The following CLHC1 variants were observed in gnomAD, a reference collection of about 807,000 sequenced individuals.
CLHC1 encodes clathrin heavy chain linker domain containing 1.
A neutral mutation model predicts 69.5 loss-of-function variants in CLHC1; 72 were observed. That is an observed-to-expected ratio of 1.04 (90% CI 0.86 to 1.26). CLHC1 has a LOEUF of 1.26. Among genes scored for constraint, CLHC1 ranks in the 50% most tolerant of loss-of-function variants. The probability of loss-of-function intolerance (pLI) is 0.00; values close to 1 mark genes in which losing one functional copy is unlikely to be tolerated. For synonymous variants in CLHC1, 223 were observed against 224.3 expected (o/e 0.99, Z 0.05); for missense variants, 790 against 679.3 (o/e 1.16, Z -1.81).
intron 11 of CLHC1, among the ~76,000 whole-genome samples, chr2:55,178,044 G>A (rs937713146): frequency 1.1e-4 from 16 of 152,108 alleles, no homozygotes; most frequent in African/African-American, 1.7e-4. Flanking sequence ...TGAAAAAAAT[G>A]TGGTATAATA....
chr2:55,175,083 A>C lies in CLHC1; in HGVS notation c.*707T>G, dbSNP rs1669265301. On this transcript the variant is annotated 3_prime_UTR_variant, in exon 13 of 13. Coordinates refer to ENST00000401408, the MANE Select transcript of CLHC1 (RefSeq NM_152385.4). ...TTTTAATATTACACCTGTCCATGGC[A>C]CAGAACTTTCAGAGTTTTCAATCAA... 6.6e-6 allele frequency: 1 copy of C among 152,072 alleles called. No homozygotes were observed. Among genetic ancestry groups the C allele is most frequent in the South Asian group, 2.1e-4 (1 of 4,830 alleles). The allele number at this position is 152,072 out of a possible 1,614,324, so 9.4% of individuals were successfully genotyped here.
At chr2:55,229,334 A>C (rs1573806965) in intron 1 of CLHC1, among the ~76,000 whole-genome samples, 1 of 152,200 alleles carries the variant, frequency 6.6e-6, no homozygotes, top group South Asian at 2.1e-4. Flanking sequence ...GCTTACTGAT[A>C]AGGTGACATT....
rs1669741379 is a variant in CLHC1, at chr2:55,179,794, G to C, written c.1384+716C>G. On this transcript the variant is annotated intron_variant, in intron 11 of 12. Transcript: ENST00000401408. ...TGTAATCTCAGATTACTGTTCAATTGTGTTTTAAAATTTTGAAATAAATTA... is the reference window on the plus strand; with the variant it reads ...TGTAATCTCAGATTACTGTTCAATTCTGTTTTAAAATTTTGAAATAAATTA... Among the ~76,000 whole-genome samples, 2 of 152,188 alleles carry C rather than the reference G, an allele frequency of 1.3e-5. 1 individual carries two copies. Among genetic ancestry groups the C allele is most frequent in the South Asian group, 4.1e-4 (2 of 4,826 alleles).
intron 9 of CLHC1, among the ~76,000 whole-genome samples, chr2:55,197,394 C>T (rs1413271126): frequency 6.6e-6 from 1 of 152,246 alleles, no homozygotes; most frequent in Non-Finnish European, 1.5e-5. Context: ...TTGGACAAGA[C>T]CCAGTGCTGT....
chr2:55,218,228 G>GA, intron 3 of CLHC1: 1 of 313,716 alleles, frequency 3.2e-6, no homozygotes, highest in Non-Finnish European at 5.8e-6. Flanking sequence ...AAATATGAGA[G>GA]AAAAAAAGGC....
rs764912516 is a variant in CLHC1 at position 55,177,684 on chromosome 2, A to C, written c.1482T>G (p.Gly494=). The C allele has an allele frequency of 6.2e-7, 1 of 1,613,390 alleles. No homozygotes were observed. Among genetic ancestry groups the C allele is most frequent in the Admixed American group, 1.7e-5 (1 of 60,014 alleles). ...LNEKQPSLSF[G]LAILHLFSAD... ...CAGAGAACAGATGAAGTATAGCAAG[A>C]CCAAAAGATAAAGATGGTTGTTTCT... The change falls in exon 12 of 13, where the codon GGT becomes GGG. Residue 494 remains glycine, a synonymous_variant. Coordinates refer to ENST00000401408, the MANE Select transcript of CLHC1 (RefSeq NM_152385.4).
chr2:55,218,175 CAT>C (rs1158827812), intron 3 of CLHC1, 177 bp from the exon 4 acceptor site: 15 of 418,098 alleles, frequency 3.6e-5, no homozygotes, highest in Non-Finnish European at 5.9e-5. Flanking sequence ...ATTTACTAAA[CAT>C]GTGCTCTTTG....
rs144589078 is a variant in CLHC1, at chr2:55,175,984, C to T, written c.1567G>A (p.Ala523Thr). Residue 523 changes from alanine (A) to threonine (T), a missense_variant and splice_region_variant, in exon 13 of 13, where the codon GCA becomes ACA. Ala to Thr is a moderately conservative substitution (Grantham distance 58). Transcript: ENST00000401408. ...TCATTTATCATAAGACTTTCTACTG[C>T]ATCTGTGGGGAAAAAATACAATATT... ...LQEINKGGID[A>T]VESLMINDSF... is the part of the protein sequence containing the mutation. 37 of 1,611,440 alleles carry T rather than the reference C, an allele frequency of 2.3e-5. No individual in the cohort carries two copies. The South Asian group carries it at 3.2e-4, about 14-fold the overall frequency.
intron 9 of CLHC1, among the ~76,000 whole-genome samples, chr2:55,205,427 A>G (rs955147356): frequency 7.2e-5 from 11 of 151,880 alleles, no homozygotes; most frequent in Non-Finnish European, 1.2e-4. Context: ...ACACACGCAC[A>G]CACACACACA....
chr2:55,214,633 A>G (rs890683677), intron 4 of CLHC1: 1 of 152,252 alleles, frequency 6.6e-6, no homozygotes, highest in Non-Finnish European at 1.5e-5. Flanking sequence ...TATTTATGAA[A>G]GGATTGTGGA....
intron 9 of CLHC1, 99 bp downstream of exon 9, chr2:55,206,171 C>T (rs1672420819): frequency 4.4e-6 from 3 of 678,044 alleles, no homozygotes; most frequent in South Asian, 3.7e-5. Context: ...AGGGCTGGGG[C>T]CTAGATCTTT....
intron 2 of CLHC1, chr2:55,224,214 G>A (rs1674468493): frequency 3.3e-6 from 1 of 304,688 alleles, no homozygotes; most frequent in South Asian, 2.7e-5. Flanking sequence ...TTCAAGCGAA[G>A]GGAGGTCACA....
At chr2:55,227,049 A>G (rs1674776442) in intron 2 of CLHC1, among the ~76,000 whole-genome samples, 1 of 152,256 alleles carries the variant, frequency 6.6e-6, no homozygotes, top group Non-Finnish European at 1.5e-5. Context: ...GCCTGTAAAT[A>G]CTGCCCATAG....
At chr2:55,228,644 C>G (rs1286685435) in intron 1 of CLHC1, among the ~76,000 whole-genome samples, 1 of 152,094 alleles carries the variant, frequency 6.6e-6, no homozygotes, top group East Asian at 1.9e-4. Context: ...ATCTCATCAG[C>G]CTACGGAAGG....
chr2:55,176,076 T>C, intron 12 of CLHC1, 90 bp from the exon 13 acceptor site: 1 of 1,054,582 alleles, frequency 9.5e-7, no homozygotes, highest in Non-Finnish European at 1.4e-6. Context: ...GGACATAATT[T>C]CAACTCAGTT....
At chr2:55,204,136 T>G (rs1255987708) in intron 9 of CLHC1, among the ~76,000 whole-genome samples, 2 of 151,966 alleles carry the variant, frequency 1.3e-5, no homozygotes, top group East Asian at 3.9e-4. Flanking sequence ...AATACAAAAT[T>G]AGCTGGGCAT....
At chr2:55,225,374 G>C (rs1336082415) in intron 2 of CLHC1, 1 of 152,240 alleles carries the variant, frequency 6.6e-6, no homozygotes, top group Non-Finnish European at 1.5e-5. Flanking sequence ...GTTTAACCTT[G>C]ATCATGTACT....
chr2:55,193,771 G>A (rs910738979), intron 9 of CLHC1, among the ~76,000 whole-genome samples: 2 of 152,064 alleles, frequency 1.3e-5, no homozygotes, highest in Non-Finnish European at 2.9e-5. Context: ...TCACTCCTAA[G>A]TCTCTACCTA....
rs35586370 is a variant in CLHC1, at chr2:55,201,243, T to TA, written c.1006+5026dup. ...CAATTATAAAAATCAATGAAGAGTTTAAAAAAAAAAAATTGACAAATCCTT... is the reference window on the plus strand; with the variant it reads ...CAATTATAAAAATCAATGAAGAGTTTAAAAAAAAAAAAATTGACAAATCCTT... On this transcript the variant is annotated intron_variant, in intron 9 of 12. Transcript: ENST00000401408. Among the ~76,000 whole-genome samples, 789 of 141,248 alleles carry TA rather than the reference T, an allele frequency of 5.6e-3. 3 individuals carry two copies. Among genetic ancestry groups the TA allele is most frequent in the South Asian group, 0.013 (58 of 4,582 alleles). The allele number at this position is 141,248 out of a possible 152,430, so 92.7% of individuals were successfully genotyped here. A position where few individuals can be genotyped will look rare whatever the true frequency, so the allele number is the denominator to read the frequency against.
Sources: gnomAD v4.1 joint callset for allele counts (sites outside exome capture counted in the v4.1 genomes callset) on GRCh38, gnomAD v4.1.1 for gene constraint, MANE v1.5 for transcripts, NCBI Gene and HGNC (gene_info 2026-07-23, HGNC 2026-07-21) for gene names.